The following POGZ variants were observed in gnomAD, a reference collection of about 807,000 sequenced individuals.
POGZ encodes pogo transposable element with ZNF domain.
Under a neutral mutation model 134.6 loss-of-function variants are expected in POGZ, and 17 were observed. That is an observed-to-expected ratio of 0.13 (90% CI 0.09 to 0.19). The LOEUF is 0.19. POGZ is among the 10% of genes least tolerant of loss of function. The pLI, the probability that POGZ is intolerant of heterozygous loss-of-function variation, is 1.00. For synonymous variants in POGZ, 693 were observed against 657.1 expected (o/e 1.05, Z -0.84); for missense variants, 1,306 against 1,769.7 (o/e 0.74, Z 4.70).
chr1:151,411,897 A>C lies in POGZ; in HGVS notation c.1780-126T>G. 5.5e-6 allele frequency: 4 copies of C among 730,466 alleles called. No homozygotes were observed. In the South Asian group the frequency reaches 9.7e-5, roughly 18 times the overall value. 45.2% of individuals were successfully genotyped at this position (730,466 alleles called of 1,614,324 possible). On this transcript the variant is annotated intron_variant, in intron 11 of 18. Coordinates refer to ENST00000271715, the MANE Select transcript of POGZ (RefSeq NM_015100.4). ...AAGTTTTCTCAAATGCATAGAAATCAAATTATTTTCCTGACTTTGTAATGC... is the reference window on the plus strand; with the variant it reads ...AAGTTTTCTCAAATGCATAGAAATCCAATTATTTTCCTGACTTTGTAATGC...
At chr1:151,451,853 T>C (rs1662130100) in intron 1 of POGZ, among the ~76,000 whole-genome samples, 1 of 151,380 alleles carries the variant, frequency 6.6e-6, no homozygotes, top group Non-Finnish European at 1.5e-5. Flanking sequence ...TCCCAGCACT[T>C]TGGGAGGCCA....
chr1:151,415,527 C>T (rs1026011095), intron 10 of POGZ, among the ~76,000 whole-genome samples: 5 of 151,772 alleles, frequency 3.3e-5, no homozygotes, highest in African/African-American at 9.7e-5. Context: ...AAAAATTAGC[C>T]GGGCGTGGTG....
intron 3 of POGZ, among the ~76,000 whole-genome samples, chr1:151,435,192 C>T (rs183263199): frequency 8.0e-4 from 122 of 152,226 alleles, no homozygotes; most frequent in Admixed American, 1.8e-3. Context: ...TGAGCCACTG[C>T]GCCCAGCCTT....
intron 8 of POGZ, among the ~76,000 whole-genome samples, chr1:151,424,740 G>C (rs1195267863): frequency 1.3e-5 from 2 of 152,172 alleles, no homozygotes; most frequent in Admixed American, 1.3e-4. Context: ...ACCACACTAA[G>C]AAAGTAAGAT....
At chr1:151,423,709 G>A (rs888885238) in intron 9 of POGZ, among the ~76,000 whole-genome samples, 158 bp from the exon 10 acceptor site, 2 of 152,084 alleles carry the variant, frequency 1.3e-5, no homozygotes, top group Non-Finnish European at 2.9e-5. Context: ...AAGATAATGA[G>A]TTCTTGAAAC....
chr1:151,412,543 T>G, intron 10 of POGZ, 147 bp from the exon 11 acceptor site: 1 of 589,546 alleles, frequency 1.7e-6, no homozygotes, highest in Non-Finnish European at 3.0e-6. Context: ...TTTAAATGGC[T>G]CCACCTTAAC....
intron 1 of POGZ, among the ~76,000 whole-genome samples, chr1:151,453,639 T>G (rs1241590351): frequency 6.6e-6 from 1 of 152,210 alleles, no homozygotes; most frequent in Non-Finnish European, 1.5e-5. Context: ...CATGATTTTT[T>G]TGTGCACTCA....
intron 3 of POGZ, among the ~76,000 whole-genome samples, chr1:151,432,901 A>C (rs1336064996): frequency 6.6e-6 from 1 of 152,208 alleles, no homozygotes; most frequent in Non-Finnish European, 1.5e-5. Context: ...TCCAGTTACA[A>C]AATGTTTGCA....
At chr1:151,457,861 A>G (rs1571614316) in intron 1 of POGZ, among the ~76,000 whole-genome samples, 1 of 150,364 alleles carries the variant, frequency 6.7e-6, no homozygotes, top group South Asian at 2.1e-4. Flanking sequence ...CGGCAGGCGG[A>G]GGTTGCAGTG....
Position 151,457,368 on chromosome 1 carries a change from G to A in POGZ, c.-2+1784C>T, listed in dbSNP as rs568705213. ...ATTAATCAGTCTCAGCCCCAGGACTGCTCATTTGAAAATGTAAAGATGACA... is the reference window on the plus strand; with the variant it reads ...ATTAATCAGTCTCAGCCCCAGGACTACTCATTTGAAAATGTAAAGATGACA... On this transcript the variant is annotated intron_variant, in intron 1 of 18. Transcript: ENST00000271715. 4.1e-4 allele frequency among the ~76,000 whole-genome samples: 63 copies of A among 152,256 alleles called. No homozygotes were observed. In the Middle Eastern group the frequency reaches 0.01, roughly 25 times the overall value.
intron 5 of POGZ, among the ~76,000 whole-genome samples, chr1:151,428,619 A>G (rs747872740): frequency 4.4e-4 from 67 of 152,326 alleles, no homozygotes; most frequent in Non-Finnish European, 8.1e-4. Flanking sequence ...ATTAAGTTAA[A>G]TAAGACTCCC....
chr1:151,409,231 C>CTA (rs141262564), intron 12 of POGZ, among the ~76,000 whole-genome samples: 3,152 of 151,998 alleles, frequency 0.021, 100 homozygotes, highest in African/African-American at 0.072. Flanking sequence ...ACTTTTTTTT[C>CTA]TATACTCTTC....
chr1:151,438,170 C>G (rs1457668428), intron 3 of POGZ, among the ~76,000 whole-genome samples: 1 of 151,782 alleles, frequency 6.6e-6, no homozygotes, highest in Non-Finnish European at 1.5e-5. Context: ...AAGATCACAT[C>G]ACTGCACTCC....
chr1:151,411,193 CCT>C (rs1654604724), intron 12 of POGZ, among the ~76,000 whole-genome samples: 1 of 152,174 alleles, frequency 6.6e-6, no homozygotes, highest in Non-Finnish European at 1.5e-5. Flanking sequence ...ACTTCCAACC[CCT>C]CTGTCTCTTA....
intron 12 of POGZ, among the ~76,000 whole-genome samples, chr1:151,410,113 T>C (rs1471108450): frequency 6.6e-6 from 1 of 152,204 alleles, no homozygotes; most frequent in Non-Finnish European, 1.5e-5. Flanking sequence ...TCCTCTCTTA[T>C]ATACTATATA....
chr1:151,406,166 G>C lies in POGZ; in HGVS notation c.2869C>G (p.Leu957Val). The C allele has an allele frequency of 6.2e-7, 1 of 1,614,054 alleles. No homozygotes were observed. Among genetic ancestry groups the C allele is most frequent in the Non-Finnish European group, 8.5e-7 (1 of 1,179,916 alleles). The change falls in exon 19 of 19, where the codon CTA becomes GTA. Residue 957 changes from leucine (L) to valine (V), a missense_variant. Leu to Val is a conservative substitution (Grantham distance 32). Around this residue, in one of 10 missense-constraint regions of POGZ, gnomAD observed 214 missense variants for 255.5 expected, o/e 0.84. Coordinates refer to ENST00000271715, the MANE Select transcript of POGZ (RefSeq NM_015100.4). ...EGSPVTQEPE[L>V]ASGGGGSGGV... Reference sequence around the variant, plus strand: ...CCACTACCACCACCACCTGATGCTAGCTCAGGTTCTTGGGTGACTGGGCTC... The same window carrying C: ...CCACTACCACCACCACCTGATGCTACCTCAGGTTCTTGGGTGACTGGGCTC...
At chr1:151,455,221 T>C (rs1662631363) in intron 1 of POGZ, 1 of 152,134 alleles carries the variant, frequency 6.6e-6, no homozygotes, top group Non-Finnish European at 1.5e-5. Context: ...ATTAACCAGC[T>C]CTAGGATTTG....
intron 10 of POGZ, among the ~76,000 whole-genome samples, chr1:151,416,462 A>C (rs1285874236): frequency 1.3e-5 from 2 of 152,076 alleles, no homozygotes; most frequent in Non-Finnish European, 2.9e-5. Context: ...TGATTGCGTC[A>C]CTGCATTCCA....
chr1:151,458,718 CCGCCCG>C (rs904280523), intron 1 of POGZ, among the ~76,000 whole-genome samples: 2 of 145,624 alleles, frequency 1.4e-5, no homozygotes, highest in South Asian at 2.1e-4. Flanking sequence ...CAGCGGGCCA[CCGCCCG>C]CGCCCGCGCC....
Sources: gnomAD v4.1 joint callset for allele counts (sites outside exome capture counted in the v4.1 genomes callset) on GRCh38, gnomAD v4.1.1 for gene constraint, gnomAD v4.1.1 regional missense constraint, MANE v1.5 for transcripts, NCBI Gene and HGNC (gene_info 2026-07-23, HGNC 2026-07-21) for gene names.